Variants in RABEP1 observed in about 807,000 individuals in gnomAD.
RABEP1 encodes rab GTPase-binding effector protein 1.
Under a neutral mutation model 123.4 loss-of-function variants are expected in RABEP1, and 51 were observed. The observed-to-expected ratio is 0.41, with a 90% CI of 0.33 to 0.52. The LOEUF is 0.52. RABEP1 is among the 20% of genes least tolerant of loss of function. The probability of loss-of-function intolerance (pLI) is 0.16; values close to 1 mark genes in which losing one functional copy is unlikely to be tolerated. For missense variants in RABEP1, 888 were observed against 996.3 expected, an observed-to-expected ratio of 0.89 and a Z score of 1.46; for synonymous variants, 347 against 355.2, an observed-to-expected ratio of 0.98 and a Z score of 0.26.
At chr17:5,291,949 C>T (rs934018096) in intron 1 of RABEP1, among the ~76,000 whole-genome samples, 1 of 152,178 alleles carries the variant, frequency 6.6e-6, no homozygotes, top group Admixed American at 6.5e-5. Flanking sequence ...GTATCATTTT[C>T]CTATTACTGC....
chr17:5,366,427 C>G (rs1910002564), intron 11 of RABEP1, among the ~76,000 whole-genome samples: 1 of 151,950 alleles, frequency 6.6e-6, no homozygotes, highest in Non-Finnish European at 1.5e-5. Flanking sequence ...TTGCAGGTGT[C>G]TTTTACTCAG....
intron 1 of RABEP1, among the ~76,000 whole-genome samples, chr17:5,283,178 C>A (rs2074945325): frequency 6.6e-6 from 1 of 151,754 alleles, no homozygotes; most frequent in Non-Finnish European, 1.5e-5. Flanking sequence ...TATATTTTAT[C>A]TATAAAAATA....
intron 2 of RABEP1, among the ~76,000 whole-genome samples, chr17:5,322,025 C>T (rs1319382489): frequency 6.6e-6 from 1 of 152,124 alleles, no homozygotes; most frequent in East Asian, 1.9e-4. Context: ...ATGGTGAAAC[C>T]CCATCTCTAC....
intron 7 of RABEP1, 72 bp downstream of exon 7, chr17:5,350,701 A>G (rs545959080): frequency 1.3e-5 from 20 of 1,516,328 alleles, no homozygotes; most frequent in Admixed American, 7.2e-5. Context: ...GCATTACCTT[A>G]TGTGTATTAG....
intron 8 of RABEP1, among the ~76,000 whole-genome samples, chr17:5,356,790 A>G (rs1909054396): frequency 6.6e-6 from 1 of 151,770 alleles, no homozygotes; most frequent in South Asian, 2.1e-4. Context: ...AGCTGAGACT[A>G]CAGGCATCCG....
intron 2 of RABEP1, among the ~76,000 whole-genome samples, chr17:5,310,685 T>TG (rs1383709162): frequency 6.6e-6 from 1 of 152,168 alleles, no homozygotes; most frequent in African/African-American, 2.4e-5. Context: ...AACAAACACA[T>TG]GAATAGCTTT....
chr17:5,325,142 G>A (rs1416732553), intron 2 of RABEP1, among the ~76,000 whole-genome samples: 2 of 151,732 alleles, frequency 1.3e-5, no homozygotes, highest in African/African-American at 2.4e-5. Flanking sequence ...GTGAAACCCC[G>A]TCTCTACTAA....
intron 11 of RABEP1, 125 bp downstream of exon 11, chr17:5,365,363 A>G (rs1337804667): frequency 3.5e-6 from 2 of 576,574 alleles, no homozygotes; most frequent in East Asian, 6.3e-5. Context: ...TCCCTCAGGT[A>G]AAAAGATTTC....
intron 4 of RABEP1, among the ~76,000 whole-genome samples, 153 bp downstream of exon 4, chr17:5,335,497 T>G (rs1906986678): frequency 6.6e-6 from 1 of 152,194 alleles, no homozygotes; most frequent in Non-Finnish European, 1.5e-5. Context: ...TAAATAATGT[T>G]ATATCTATGG....
chr17:5,300,842 CAG>C (rs1326927428), intron 1 of RABEP1, among the ~76,000 whole-genome samples: 1 of 152,162 alleles, frequency 6.6e-6, no homozygotes, highest in Non-Finnish European at 1.5e-5. Context: ...AAGTTGCTTA[CAG>C]AGTCATTGGG....
intron 1 of RABEP1, among the ~76,000 whole-genome samples, chr17:5,286,795 A>C (rs921718331): frequency 6.6e-6 from 1 of 152,226 alleles, no homozygotes; most frequent in Non-Finnish European, 1.5e-5. Flanking sequence ...ATTAAACAAC[A>C]AACGTAAGCA....
chr17:5,350,147 G>T (rs565365300), intron 6 of RABEP1, among the ~76,000 whole-genome samples: 3 of 152,140 alleles, frequency 2.0e-5, no homozygotes, highest in South Asian at 2.1e-4. Flanking sequence ...TTGGGAGGCC[G>T]AGACGGGCGG....
intron 10 of RABEP1, 77 bp downstream of exon 10, chr17:5,363,093 G>GGCCCCA: frequency 9.5e-7 from 1 of 1,047,892 alleles, no homozygotes; most frequent in Non-Finnish European, 1.5e-6. Flanking sequence ...CCCCCTCTCC[G>GGCCCCA]GCCCCAGCCC....
intron 2 of RABEP1, among the ~76,000 whole-genome samples, chr17:5,312,817 C>T (rs1164566020): frequency 8.5e-5 from 13 of 152,102 alleles, no homozygotes. Context: ...AAGAAATAGT[C>T]CTGTCTGGAC....
At chr17:5,375,217 T>G (rs1910894815) in intron 13 of RABEP1, among the ~76,000 whole-genome samples, 1 of 150,082 alleles carries the variant, frequency 6.7e-6, no homozygotes, top group Non-Finnish European at 1.5e-5. Flanking sequence ...TATATATGTA[T>G]TAACATGACT....
intron 11 of RABEP1, among the ~76,000 whole-genome samples, chr17:5,367,245 T>TACAC (rs145302611): frequency 0.14 from 21,346 of 147,596 alleles, 1,602 homozygotes; most frequent in African/African-American, 0.19. Flanking sequence ...AGAACTTAGA[T>TACAC]ACACACACAC....
At position 5,378,225 on chromosome 17, in the gene RABEP1, AAGGAC is replaced by A; in HGVS notation, c.2268_2271+1del. ...GAATTAGAAAGAATAAAAGTGGAAA[AAGGAC>A]AGGTAAGTCGTGAGTTTCAAATTAA... On this transcript the variant is annotated frameshift_variant and splice_region_variant, in exon 15 of 18. Coordinates refer to ENST00000537505, the MANE Select transcript of RABEP1 (RefSeq NM_004703.6). LOFTEE classifies it high-confidence loss of function. 1.9e-6 allele frequency: 3 copies of A among 1,591,028 alleles called. No homozygotes were observed.
intron 5 of RABEP1, 76 bp from the exon 6 acceptor site, chr17:5,346,714 A>G: frequency 8.0e-7 from 1 of 1,256,230 alleles, no homozygotes; most frequent in Non-Finnish European, 1.0e-6. Context: ...AGGCATAGCC[A>G]GAACTTACCA....
intron 5 of RABEP1, among the ~76,000 whole-genome samples, chr17:5,338,683 A>G (rs1233302903): frequency 6.6e-6 from 1 of 152,208 alleles, no homozygotes; most frequent in Non-Finnish European, 1.5e-5. Flanking sequence ...CTTTGTCACA[A>G]AGTTAATGTT....
Sources: allele counts gnomAD v4.1 joint callset (sites outside exome capture counted in the v4.1 genomes callset), GRCh38; gene constraint gnomAD v4.1.1; transcripts MANE v1.5; gene names NCBI Gene and HGNC (gene_info 2026-07-23, HGNC 2026-07-21).